SYT9: variants seen among roughly 807,000 people sequenced by gnomAD.
SYT9 encodes synaptotagmin 9.
A neutral mutation model predicts 48.4 loss-of-function variants in SYT9; 22 were observed. The observed-to-expected ratio is 0.45, with a 90% CI of 0.32 to 0.65. The LOEUF is 0.65. SYT9 is among the 30% of genes least tolerant of loss of function. The pLI is 0.03. For synonymous variants in SYT9, 265 were observed against 245.0 expected, an observed-to-expected ratio of 1.08 and a Z score of -0.76; for missense variants, 577 against 622.0, an observed-to-expected ratio of 0.93 and a Z score of 0.77.
intron 6 of SYT9, among the ~76,000 whole-genome samples, chr11:7,454,771 C>T (rs1554928721): frequency 6.6e-6 from 1 of 152,180 alleles, no homozygotes; most frequent in Non-Finnish European, 1.5e-5. Context: ...CACTGTCTTG[C>T]AGGTGGTTTC....
chr11:7,463,989 C>T (rs1225809608), intron 6 of SYT9, among the ~76,000 whole-genome samples: 3 of 152,092 alleles, frequency 2.0e-5, no homozygotes, highest in Non-Finnish European at 4.4e-5. Context: ...AAAAAATTGG[C>T]TAAGGTTGCA....
intron 1 of SYT9, among the ~76,000 whole-genome samples, chr11:7,291,822 C>T (rs1183315447): frequency 6.6e-6 from 1 of 152,128 alleles, no homozygotes; most frequent in Non-Finnish European, 1.5e-5. Flanking sequence ...ACATGCATGG[C>T]CATGTGTTTA....
chr11:7,447,768 CTA>C (rs1239609266), intron 6 of SYT9, among the ~76,000 whole-genome samples: 2 of 152,164 alleles, frequency 1.3e-5, no homozygotes, highest in African/African-American at 4.8e-5. Flanking sequence ...CCTGAATCAA[CTA>C]TGAGTTCCCT....
intron 1 of SYT9, among the ~76,000 whole-genome samples, chr11:7,287,409 C>T (rs1206960296): frequency 2.0e-5 from 3 of 152,172 alleles, no homozygotes; most frequent in African/African-American, 7.2e-5. Flanking sequence ...GGACACAGAG[C>T]CAAACCATAT....
chr11:7,243,442 A>G (rs1847759296), intron 1 of SYT9, among the ~76,000 whole-genome samples: 1 of 152,182 alleles, frequency 6.6e-6, no homozygotes, highest in African/African-American at 2.4e-5. Context: ...GGCCAGAGGC[A>G]ATATAGTGGA....
rs148387619 is a variant in SYT9, at chr11:7,355,023, T to C, written c.1044+41082T>C. Among the ~76,000 whole-genome samples, 1,246 of 152,272 alleles carry C rather than the reference T, an allele frequency of 8.2e-3. 13 individuals are homozygous for C. The highest frequency in any genetic ancestry group is 0.02 in the Middle Eastern group (6 of 294). On this transcript the variant is annotated intron_variant, in intron 3 of 6. Transcript: ENST00000318881. ...TTATGGCTTGGACTAGTACCTGTAA[T>C]AGAGAAGGGATTTTCGATACACATT... is the stretch of plus-strand genomic sequence containing the variant.
chr11:7,416,347 G>C (rs1344493240), intron 4 of SYT9, among the ~76,000 whole-genome samples, 185 bp downstream of exon 4: 1 of 152,186 alleles, frequency 6.6e-6, no homozygotes, highest in Non-Finnish European at 1.5e-5. Context: ...ATTCCCATCG[G>C]TAAGATGAGA....
chr11:7,458,778 T>C (rs989250894), intron 6 of SYT9, among the ~76,000 whole-genome samples: 4 of 152,002 alleles, frequency 2.6e-5, no homozygotes, highest in Non-Finnish European at 5.9e-5. Context: ...AAGTAGGGGA[T>C]GAGATCAGAA....
intron 1 of SYT9, among the ~76,000 whole-genome samples, chr11:7,261,462 A>T (rs1285222918): frequency 6.6e-6 from 1 of 152,176 alleles, no homozygotes; most frequent in African/African-American, 2.4e-5. Context: ...ACCTAGACAC[A>T]GTATTGTACA....
At chr11:7,283,820 G>C (rs1848548896) in intron 1 of SYT9, among the ~76,000 whole-genome samples, 1 of 152,010 alleles carries the variant, frequency 6.6e-6, no homozygotes, top group Admixed American at 6.5e-5. Context: ...ATTGACACTT[G>C]TTAGGAACTC....
intron 1 of SYT9, among the ~76,000 whole-genome samples, chr11:7,265,096 T>A (rs1186953097): frequency 6.6e-6 from 1 of 152,130 alleles, no homozygotes; most frequent in Non-Finnish European, 1.5e-5. Flanking sequence ...ATAAAATAAT[T>A]AGTACAATGA....
At chr11:7,345,030 T>C (rs1307529672) in intron 3 of SYT9, among the ~76,000 whole-genome samples, 2 of 152,132 alleles carry the variant, frequency 1.3e-5, no homozygotes. Context: ...AATAGGAATC[T>C]TAAAAATAGT....
At chr11:7,450,147 A>G (rs1388401393) in intron 6 of SYT9, among the ~76,000 whole-genome samples, 1 of 152,220 alleles carries the variant, frequency 6.6e-6, no homozygotes. Context: ...TTGTCTCCCC[A>G]GATAAAAGAA....
chr11:7,404,553 A>G (rs1355794508), intron 3 of SYT9, among the ~76,000 whole-genome samples: 3 of 152,160 alleles, frequency 2.0e-5, no homozygotes, highest in Non-Finnish European at 4.4e-5. Context: ...TATGCCATTT[A>G]TACTATATAT....
At chr11:7,250,789 T>C (rs1847853703), upstream of SYT9, among the ~76,000 whole-genome samples, 1 of 152,118 alleles carries the variant, frequency 6.6e-6, no homozygotes, top group South Asian at 2.1e-4. Context: ...GATATGTCCG[T>C]AGAGACGGCA....
chr11:7,418,503 G>T (rs958429051), intron 5 of SYT9, among the ~76,000 whole-genome samples: 4 of 152,190 alleles, frequency 2.6e-5, no homozygotes, highest in African/African-American at 9.7e-5. Context: ...TCATTGGAAG[G>T]ATTCCACTCA....
At chr11:7,337,332 C>T (rs1467282335) in intron 3 of SYT9, among the ~76,000 whole-genome samples, 7 of 151,992 alleles carry the variant, frequency 4.6e-5, no homozygotes. Flanking sequence ...TTTGGATGTG[C>T]TTTATTTCTT....
chr11:7,337,562 T>A (rs1186056827), intron 3 of SYT9, among the ~76,000 whole-genome samples: 1 of 152,196 alleles, frequency 6.6e-6, no homozygotes. Flanking sequence ...TATTAAGAAT[T>A]TTTAACATAA....
chr11:7,443,864 A>G (rs1333492122), intron 6 of SYT9, among the ~76,000 whole-genome samples: 1 of 152,238 alleles, frequency 6.6e-6, no homozygotes, highest in Non-Finnish European at 1.5e-5. Flanking sequence ...ATTTTGCATA[A>G]CTATTCAGGC....
Sources: allele counts gnomAD v4.1 joint callset (sites outside exome capture counted in the v4.1 genomes callset), GRCh38; gene constraint gnomAD v4.1.1; transcripts MANE v1.5; gene names NCBI Gene and HGNC (gene_info 2026-07-23, HGNC 2026-07-21).